CSN2: variants seen among roughly 807,000 people sequenced by gnomAD.
The protein encoded by CSN2 is casein beta.
In CSN2, 27 loss-of-function variants were observed where a neutral mutation model predicts 27.3. That is an observed-to-expected ratio of 0.99 (90% confidence interval 0.73 to 1.36). The LOEUF (loss-of-function observed/expected upper bound fraction) is 1.36. CSN2 is among the 40% of genes most tolerant of loss of function. CSN2 has a pLI of 0.00. For synonymous variants in CSN2, 131 were observed against 94.8 expected, an observed-to-expected ratio of 1.38 and a Z score of -2.22; for missense variants, 333 against 264.5, an observed-to-expected ratio of 1.26 and a Z score of -1.80.
intron 7 of CSN2, 136 bp downstream of exon 7, chr4:69,956,178 T>C (rs974067869): frequency 6.6e-6 from 3 of 452,296 alleles, no homozygotes; most frequent in African/African-American, 6.1e-5. Flanking sequence ...TAGTCAACCA[T>C]TAAATTGATA....
rs764262023 is a variant in CSN2, at chr4:69,956,374, CAAAT to C, written c.676-23_676-20del. 7.2e-6 allele frequency: 10 copies of C among 1,386,562 alleles called. No individual in the cohort carries two copies. The highest frequency in any genetic ancestry group is 6.8e-5 in the South Asian group (4 of 59,032). The allele number at this position is 1,386,562 out of a possible 1,614,324, so 85.9% of individuals were successfully genotyped here. A position where few individuals can be genotyped will look rare whatever the true frequency, so the allele number is the denominator to read the frequency against. ...CTTAGACCTTAAAAATAAACAGATA[CAAAT>C]AAATAAATAACCTCTTAGTAAGAAA... On this transcript the variant is annotated intron_variant, in intron 6 of 7. Transcript: ENST00000353151.
chr4:69,957,519 G>A lies in CSN2; in HGVS notation c.430C>T (p.Pro144Ser). 1.2e-6 allele frequency: 2 copies of A among 1,613,936 alleles called. No homozygotes were observed. The highest frequency in any genetic ancestry group is 1.7e-6 in the Non-Finnish European group (2 of 1,179,990). The stretch of plus-strand genomic sequence containing the variant: ...TGCTGCATCAAGGGCTGGAGCAGAG[G>A]CAGAGGAAGATGCAGATTTTCAAGA... ...TDLENLHLPL[P>S]LLQPLMQQVP... Residue 144 changes from proline to serine, a missense_variant, in exon 6 of 8, where the codon CCT becomes TCT. Transcript: ENST00000353151.
intron 5 of CSN2, 43 bp downstream of exon 5, chr4:69,958,866 C>G: frequency 7.9e-7 from 1 of 1,261,660 alleles, no homozygotes; most frequent in African/African-American, 1.5e-5. Context: ...ATGTATTATA[C>G]TTTATAATAA....
chr4:69,958,989 C>A, intron 4 of CSN2, 36 bp from the exon 5 acceptor site: 1 of 1,563,576 alleles, frequency 6.4e-7, no homozygotes, highest in East Asian at 2.3e-5. Context: ...ATGTTACCAT[C>A]TGTAAAGATT....
intron 6 of CSN2, among the ~76,000 whole-genome samples, 174 bp downstream of exon 6, chr4:69,957,100 A>G (rs1414982778): frequency 6.6e-6 from 1 of 152,138 alleles, no homozygotes; most frequent in Non-Finnish European, 1.5e-5. Flanking sequence ...ACATGTATAC[A>G]TATGTAACTA....
intron 1 of CSN2, 98 bp from the exon 2 acceptor site, chr4:69,961,105 G>A: frequency 4.3e-6 from 3 of 693,626 alleles, no homozygotes; most frequent in Non-Finnish European, 7.4e-6. Flanking sequence ...AAAAAAAAGA[G>A]AGATAATATA....
chr4:69,960,912 T>C, intron 2 of CSN2, 33 bp downstream of exon 2: 1 of 1,590,810 alleles, frequency 6.3e-7, no homozygotes, highest in South Asian at 1.1e-5. Context: ...CACTATTTAT[T>C]GATTGTTTAG....
rs556908560 is a variant in CSN2, at chr4:69,957,639, C to A, written c.310G>T (p.Ala104Ser). ...PQPEIMEVPK[A>S]KDTVYTKGRV... ...CCCTTAGTGTAGACAGTGTCTTTAG[C>A]TTTAGGGACTTCCATTATTTCAGGC... is the stretch of plus-strand genomic sequence containing the variant. Residue 104 changes from alanine to serine, a missense_variant, in exon 6 of 8, where the codon GCT (alanine) becomes TCT (serine). Transcript: ENST00000353151. The A allele has an allele frequency of 4.3e-6, 7 of 1,613,912 alleles. No homozygotes were observed. The highest frequency in any genetic ancestry group is 2.2e-5 in the South Asian group (2 of 91,076).
chr4:69,957,370 A>G lies in CSN2; in HGVS notation c.579T>C (p.Val193=), dbSNP rs547066912. The G allele has an allele frequency of 3.1e-6, 5 of 1,613,478 alleles. No homozygotes were observed. The African/African-American group carries it at 5.3e-5, about 17-fold the overall frequency. ...GTTCTTGGTTGAGCAGAAGGGCTTG[A>G]ACAGGCACAGCTCTCTGAGGGTAGG... ...VVPYPQRAVP[V]QALLLNQELL... Residue 193 remains valine, a synonymous_variant, in exon 6 of 8, where the codon GTT becomes GTC. Coordinates refer to ENST00000353151, the MANE Select transcript of CSN2 (RefSeq NM_001891.4).
intron 1 of CSN2, among the ~76,000 whole-genome samples, chr4:69,961,330 A>G (rs1436737093): frequency 6.6e-6 from 1 of 152,142 alleles, no homozygotes; most frequent in Non-Finnish European, 1.5e-5. Context: ...GGCATAAAGA[A>G]GTTATAAATA....
In CSN2 at chr4:69,957,331, G is replaced by A; in HGVS notation, c.618C>T (p.Pro206=). 1 of 1,598,512 alleles carries A rather than the reference G, an allele frequency of 6.3e-7. No individual in the cohort carries two copies. Among genetic ancestry groups the A allele is most frequent in the Non-Finnish European group, 8.5e-7 (1 of 1,172,496 alleles). The change falls in exon 6 of 8, where the codon CCC becomes CCT. Residue 206 remains proline (P), a synonymous_variant. Coordinates refer to ENST00000353151, the MANE Select transcript of CSN2 (RefSeq NM_001891.4). ...GAGTCACAGGGTAGATCTGGTGGGT[G>A]GGGTTAAGTAGAAGTTCTTGGTTGA... ...LLLNQELLLN[P]THQIYPVTQP... is the part of the protein sequence containing the mutation.
intron 1 of CSN2, among the ~76,000 whole-genome samples, 60 bp downstream of exon 1, chr4:69,965,621 A>G (rs1176842495): frequency 6.6e-6 from 1 of 151,700 alleles, no homozygotes; most frequent in African/African-American, 2.4e-5. Context: ...CTATAGCTCA[A>G]GCTACTTTGA....
In CSN2 at chr4:69,960,951, TGCAAGA is replaced by T. The variant is rs1209735485; in HGVS notation, c.39_44del (p.Leu14_Ala15del). On this transcript the variant is annotated inframe_deletion, in exon 2 of 8. Coordinates refer to ENST00000353151, the MANE Select transcript of CSN2 (RefSeq NM_001891.4). ...TTTTTTCTTGTGCACATACCTCCCT[TGCAAGA>T]GCAAGAGCCACCAGGCAGGCGAGGA... 1 of 1,612,788 alleles carries T rather than the reference TGCAAGA, an allele frequency of 6.2e-7. No homozygotes were observed. The highest frequency in any genetic ancestry group is 8.5e-7 in the Non-Finnish European group (1 of 1,179,126).
intron 2 of CSN2, 143 bp downstream of exon 2, chr4:69,960,802 A>C (rs1229655385): frequency 7.5e-6 from 5 of 667,834 alleles, no homozygotes; most frequent in Non-Finnish European, 1.3e-5. Flanking sequence ...GTAAATATAA[A>C]TGATTTTGAT....
chr4:69,957,748 T>C lies in CSN2; in HGVS notation c.201A>G (p.Pro67=), dbSNP rs1723452661. 1.2e-6 allele frequency: 2 copies of C among 1,613,922 alleles called. No homozygotes were observed. Among genetic ancestry groups the C allele is most frequent in the African/African-American group, 1.3e-5 (1 of 74,992 alleles). Residue 67 remains proline, a synonymous_variant, in exon 6 of 8, where the codon CCA becomes CCG. Transcript: ENST00000353151. ...AACCATAGGGGATAGGTTCAACGAA[T>C]GGATAGATCAGAGGCTGTGGCTGGA... ...PSFQPQPLIY[P]FVEPIPYGFL...
chr4:69,963,625 T>C (rs898403745), intron 1 of CSN2, among the ~76,000 whole-genome samples: 2 of 152,064 alleles, frequency 1.3e-5, no homozygotes, highest in Non-Finnish European at 2.9e-5. Context: ...TTAGGAGATA[T>C]ACCTAATGTT....
chr4:69,958,897 T>C lies in CSN2; in HGVS notation c.144+12A>G, dbSNP rs1246030512. 2 of 1,551,810 alleles carry C rather than the reference T, an allele frequency of 1.3e-6. No individual in the cohort carries two copies. Among genetic ancestry groups the C allele is most frequent in the East Asian group, 2.3e-5 (1 of 44,044 alleles). On this transcript the variant is annotated intron_variant, in intron 5 of 7. Transcript: ENST00000353151. ...AATAATTTTAAACATATACTTATCA[T>C]TAACAAATTACCTCTCCTTGCTGCT...
chr4:69,959,120 T>C lies in CSN2; in HGVS notation c.79-51A>G, dbSNP rs760790104. On this transcript the variant is annotated intron_variant, in intron 3 of 7. Coordinates refer to ENST00000353151, the MANE Select transcript of CSN2 (RefSeq NM_001891.4). The stretch of plus-strand genomic sequence containing the variant: ...AGGTTTAGTTTTAACAATTCTTACT[T>C]TGCAATATAAATCAGGAAATAAAGG... 2.6e-6 allele frequency: 3 copies of C among 1,169,868 alleles called. No homozygotes were observed. The South Asian group carries it at 4.5e-5, about 18-fold the overall frequency. 72.5% of individuals were successfully genotyped at this position (1,169,868 alleles called of 1,614,324 possible). A position where few individuals can be genotyped will look rare whatever the true frequency, so the allele number is the denominator to read the frequency against.
intron 2 of CSN2, 101 bp downstream of exon 2, chr4:69,960,844 A>T: frequency 1.1e-6 from 1 of 903,226 alleles, no homozygotes; most frequent in African/African-American, 1.7e-5. Context: ...GAAATTCTTC[A>T]TTATTTATAC....
Sources: gnomAD v4.1 joint callset for allele counts (sites outside exome capture counted in the v4.1 genomes callset) on GRCh38, gnomAD v4.1.1 for gene constraint, MANE v1.5 for transcripts, NCBI Gene and HGNC (gene_info 2026-07-23, HGNC 2026-07-21) for gene names.